APBA1: variants seen among roughly 807,000 people sequenced by gnomAD.
The protein encoded by APBA1 is amyloid beta precursor protein binding family A member 1, also known as amyloid-beta A4 precursor protein-binding family A member 1.
Under a neutral mutation model 86.6 loss-of-function variants are expected in APBA1, and 55 were observed. The ratio of observed to expected loss-of-function variants is 0.64; its 90% CI spans 0.51 to 0.80. The LOEUF (loss-of-function observed/expected upper bound fraction) is 0.80. Among genes scored for constraint, APBA1 ranks in the 30% least tolerant of loss-of-function variants. APBA1 has a pLI of 0.00. For missense variants in APBA1, 1,090 were observed against 1,183.0 expected, an observed-to-expected ratio of 0.92 and a Z score of 1.15; for synonymous variants, 511 against 493.9, an observed-to-expected ratio of 1.03 and a Z score of -0.46.
intron 2 of APBA1, among the ~76,000 whole-genome samples, chr9:69,490,488 T>TA (rs1835690166): frequency 4.0e-5 from 6 of 150,876 alleles, no homozygotes; most frequent in East Asian, 2.0e-4. Context: ...AATAAAATTT[T>TA]TAAAAAAAAG....
At chr9:69,594,796 T>C (rs1822197801) in intron 1 of APBA1, among the ~76,000 whole-genome samples, 2 of 152,182 alleles carry the variant, frequency 1.3e-5, no homozygotes, top group Non-Finnish European at 2.9e-5. Flanking sequence ...AAGCCAATCA[T>C]ACAACACTTT....
At chr9:69,628,733 T>A (rs1822981934) in intron 1 of APBA1, among the ~76,000 whole-genome samples, 1 of 152,180 alleles carries the variant, frequency 6.6e-6, no homozygotes, top group African/African-American at 2.4e-5. Flanking sequence ...TACAGGAAAC[T>A]TCTAAGTAGC....
In APBA1 at chr9:69,516,106, A is replaced by G; in HGVS notation, c.1105T>C (p.Tyr369His). The stretch of plus-strand genomic sequence containing the variant: ...GGCTCTTTGGGCTCGTCGGGGGTGT[A>G]AGGCGAACGGATGGTCCTGGTTTTC... ...EVKTRTIRSP[Y>H]TPDEPKEPIW... Residue 369 changes from tyrosine (Y) to histidine (H), a missense_variant, in exon 2 of 13, where the codon TAC becomes CAC. Coordinates refer to ENST00000265381, the MANE Select transcript of APBA1 (RefSeq NM_001163.4). The surrounding 1 kb of genome is among the most constrained non-coding windows in gnomAD (Gnocchi z 7.3). 6.2e-7 allele frequency: 1 copy of G among 1,613,486 alleles called. No homozygotes were observed. The highest frequency in any genetic ancestry group is 8.5e-7 in the Non-Finnish European group (1 of 1,179,718).
chr9:69,476,055 T>G lies in APBA1; in HGVS notation c.1289A>C (p.Asn430Thr). Residue 430 changes from asparagine (N) to threonine (T), a missense_variant, in exon 3 of 13, where the codon AAT becomes ACT. Asn to Thr is a moderately conservative substitution (Grantham distance 65, BLOSUM62 0). This residue lies in a region of APBA1 where 678 missense variants were observed against 647.1 expected (regional missense o/e 1.05). Coordinates refer to ENST00000265381, the MANE Select transcript of APBA1 (RefSeq NM_001163.4). ...HPSDPVEASTNKESRKSLASF... is the reference protein window; with the variant it reads ...HPSDPVEASTTKESRKSLASF... ...AACAAAACAGCACCCTACCTCTTTA[T>G]TAGTGGACGCTTCCACAGGGTCACT... is the stretch of plus-strand genomic sequence containing the variant. 6.2e-7 allele frequency: 1 copy of G among 1,613,882 alleles called. No individual in the cohort carries two copies. Among genetic ancestry groups the G allele is most frequent in the South Asian group, 1.1e-5 (1 of 91,050 alleles).
intron 1 of APBA1, among the ~76,000 whole-genome samples, chr9:69,530,794 C>A (rs1478202715): frequency 6.6e-6 from 1 of 152,138 alleles, no homozygotes; most frequent in African/African-American, 2.4e-5. Flanking sequence ...ATATCACATA[C>A]CACACCACTT....
chr9:69,476,770 G>A (rs144546752), intron 2 of APBA1, among the ~76,000 whole-genome samples: 87 of 152,282 alleles, frequency 5.7e-4, no homozygotes, highest in African/African-American at 1.9e-3. Flanking sequence ...TTTGTCAAAC[G>A]GTGTATCGGA....
chr9:69,440,741 G>A (rs556217086), intron 11 of APBA1, among the ~76,000 whole-genome samples: 73 of 152,238 alleles, frequency 4.8e-4, no homozygotes, highest in Admixed American at 1.0e-3. Context: ...CGGGTGAGGC[G>A]ATGCCTTGTC....
chr9:69,662,405 G>A (rs1823770066), intron 1 of APBA1, among the ~76,000 whole-genome samples: 1 of 152,152 alleles, frequency 6.6e-6, no homozygotes, highest in African/African-American at 2.4e-5. Flanking sequence ...GGAATCTGCT[G>A]AGCTTTTAAA....
intron 1 of APBA1, among the ~76,000 whole-genome samples, chr9:69,627,781 C>T (rs1200599667): frequency 6.6e-6 from 1 of 152,122 alleles, no homozygotes; most frequent in Non-Finnish European, 1.5e-5. Context: ...GAATGAAACA[C>T]AAATTGGTCC....
chr9:69,612,119 T>C (rs1239246313), intron 1 of APBA1, among the ~76,000 whole-genome samples: 1 of 152,054 alleles, frequency 6.6e-6, no homozygotes, highest in Admixed American at 6.6e-5. Flanking sequence ...GTAAGACTAA[T>C]ATTGTTAGTT....
At chr9:69,449,116 A>G (rs1290430899) in intron 10 of APBA1, among the ~76,000 whole-genome samples, 1 of 152,100 alleles carries the variant, frequency 6.6e-6, no homozygotes, top group Non-Finnish European at 1.5e-5. Context: ...GGGAGGACAA[A>G]CTCACCTGCA....
chr9:69,637,509 C>A (rs1174197709), intron 1 of APBA1, among the ~76,000 whole-genome samples: 1 of 151,946 alleles, frequency 6.6e-6, no homozygotes. Flanking sequence ...CACTATGTAC[C>A]CATAAAAATT....
chr9:69,534,407 A>G (rs1836478886), intron 1 of APBA1, among the ~76,000 whole-genome samples: 1 of 152,184 alleles, frequency 6.6e-6, no homozygotes, highest in South Asian at 2.1e-4. Context: ...CATCTAACCA[A>G]TGAGTTTGCT....
At chr9:69,615,585 G>A (rs1822682831) in intron 1 of APBA1, among the ~76,000 whole-genome samples, 1 of 152,106 alleles carries the variant, frequency 6.6e-6, no homozygotes, top group Non-Finnish European at 1.5e-5. Flanking sequence ...TGGCTTCCTA[G>A]CCTCAATAGA....
At chr9:69,605,205 T>C (rs956565617) in intron 1 of APBA1, among the ~76,000 whole-genome samples, 5 of 152,194 alleles carry the variant, frequency 3.3e-5, no homozygotes, top group Admixed American at 6.5e-5. Flanking sequence ...TTTACCCCTG[T>C]AGAGAATTTT....
intron 1 of APBA1, among the ~76,000 whole-genome samples, chr9:69,525,577 AATC>A (rs1836329649): frequency 6.6e-6 from 1 of 152,142 alleles, no homozygotes; most frequent in African/African-American, 2.4e-5. Context: ...TGCTAAAAGA[AATC>A]ATAGATGACA....
chr9:69,640,359 T>G (rs538994501), intron 1 of APBA1, among the ~76,000 whole-genome samples: 1 of 152,224 alleles, frequency 6.6e-6, no homozygotes, highest in Non-Finnish European at 1.5e-5. Flanking sequence ...AGGACACGAA[T>G]GCTCATCTGG....
At chr9:69,519,959 T>A (rs1178730543) in intron 1 of APBA1, among the ~76,000 whole-genome samples, 1 of 152,142 alleles carries the variant, frequency 6.6e-6, no homozygotes, top group African/African-American at 2.4e-5. Context: ...GAAGATAGTG[T>A]TAATGTAGTT....
At chr9:69,568,428 C>T (rs1483570473) in intron 1 of APBA1, among the ~76,000 whole-genome samples, 5 of 152,226 alleles carry the variant, frequency 3.3e-5, no homozygotes, top group Admixed American at 6.5e-5. Context: ...GAACTAATTA[C>T]ATCTTCCATT....
Sources: allele counts gnomAD v4.1 joint callset (sites outside exome capture counted in the v4.1 genomes callset), GRCh38; gene constraint gnomAD v4.1.1; regional missense constraint gnomAD v4.1.1; non-coding constraint Gnocchi (gnomAD v3.1); transcripts MANE v1.5; gene names NCBI Gene and HGNC (gene_info 2026-07-23, HGNC 2026-07-21).